PCDHGB6: variants seen among roughly 807,000 people sequenced by gnomAD.
PCDHGB6 encodes the protein protocadherin gamma subfamily B, 6.
PCDHGB6 carries 51 observed loss-of-function variants against 59.1 expected under a neutral mutation model. That is an observed-to-expected ratio of 0.86 (90% CI 0.69 to 1.09). The LOEUF is 1.09. PCDHGB6 is among the 50% of genes least tolerant of loss of function. The pLI is 0.00. For synonymous variants in PCDHGB6, 466 were observed against 495.1 expected (o/e 0.94, Z 0.78); for missense variants, 1,148 against 1,205.1 (o/e 0.95, Z 0.70).
In PCDHGB6 at chr5:141,410,065, G is replaced by C; in HGVS notation, c.1863G>C (p.Leu621=). Residue 621 remains leucine (L), a synonymous_variant, in exon 1 of 4, where the codon CTG becomes CTC. Coordinates refer to ENST00000520790, the MANE Select transcript of PCDHGB6 (RefSeq NM_018926.3). ...ASEPGLFSLG[L]RTGEVRTARA... The stretch of plus-strand genomic sequence containing the variant: ...AGCCCGGACTCTTCAGCCTGGGGCT[G>C]CGCACTGGGGAGGTGCGCACGGCTC... The C allele has an allele frequency of 6.2e-7, 1 of 1,612,938 alleles. No homozygotes were observed. The highest frequency in any genetic ancestry group is 1.1e-5 in the South Asian group (1 of 91,044).
intron 1 of PCDHGB6, among the ~76,000 whole-genome samples, chr5:141,465,486 G>C (rs1221398075): frequency 6.6e-6 from 1 of 152,216 alleles, no homozygotes; most frequent in African/African-American, 2.4e-5. Flanking sequence ...TGAGAGGAAT[G>C]AGCGGGAGCA....
Position 141,476,658 on chromosome 5 carries a change from C to A in PCDHGB6, c.2419-18149C>A, listed in dbSNP as rs182518072. On this transcript the variant is annotated intron_variant, in intron 1 of 3. Transcript: ENST00000520790. The surrounding 1 kb of genome is among the most constrained non-coding windows in gnomAD (Gnocchi z 7.6). ...GAGCTGAGCCGAAATGAATACTTTGCGCTTCGCGTGCAGACGCGGGAGGAC... is the reference window on the plus strand; with the variant it reads ...GAGCTGAGCCGAAATGAATACTTTGAGCTTCGCGTGCAGACGCGGGAGGAC... 2 of 1,614,244 alleles carry A rather than the reference C, an allele frequency of 1.2e-6. No homozygotes were observed. The highest frequency in any genetic ancestry group is 2.2e-5 in the East Asian group (1 of 44,878).
chr5:141,505,704 G>A (rs770933428), intron 3 of PCDHGB6, among the ~76,000 whole-genome samples: 1 of 152,184 alleles, frequency 6.6e-6, no homozygotes, highest in Non-Finnish European at 1.5e-5. Context: ...GAGCGAACAA[G>A]GAAAAGACTC....
rs1057108915 is a variant in PCDHGB6 at position 141,511,366 on chromosome 5, T to C, written c.*193T>C. The C allele has an allele frequency of 3.8e-6, 5 of 1,306,414 alleles. No individual in the cohort carries two copies. In the Admixed American group the frequency reaches 8.4e-5, roughly 22 times the overall value. The allele number at this position is 1,306,414 out of a possible 1,614,324, so 80.9% of individuals were successfully genotyped here. A position where few individuals can be genotyped will look rare whatever the true frequency, so the allele number is the denominator to read the frequency against. On this transcript the variant is annotated 3_prime_UTR_variant, in exon 4 of 4. Transcript: ENST00000520790. ...CCCTTCCCCCCCAGGGGGTTGAATA[T>C]GCAAAAGCAGTTCCGCTGGGAACCC...
At chr5:141,441,872 G>A (rs1400648028) in intron 1 of PCDHGB6, 4 of 341,526 alleles carry the variant, frequency 1.2e-5, no homozygotes, top group East Asian at 9.4e-5. Context: ...GCGGAGCCTG[G>A]CTACCTGGTC....
chr5:141,461,921 T>G (rs2099026403), intron 1 of PCDHGB6, among the ~76,000 whole-genome samples: 1 of 152,222 alleles, frequency 6.6e-6, no homozygotes, highest in Non-Finnish European at 1.5e-5. Flanking sequence ...CCTCCTGGGT[T>G]CCAGCAATTC....
At chr5:141,470,548 A>G (rs2099232978) in intron 1 of PCDHGB6, among the ~76,000 whole-genome samples, 1 of 152,182 alleles carries the variant, frequency 6.6e-6, no homozygotes, top group Non-Finnish European at 1.5e-5. Context: ...ATATTTATTG[A>G]GAGTTTCCTC....
At chr5:141,430,383 G>A (rs527531595) in intron 1 of PCDHGB6, among the ~76,000 whole-genome samples, 74 of 138,604 alleles carry the variant, frequency 5.3e-4, no homozygotes, top group Admixed American at 8.6e-4. Flanking sequence ...AGCTCATTGG[G>A]AAAAAAAAAA....
chr5:141,440,527 T>G (rs1282939317), intron 1 of PCDHGB6: 3 of 152,222 alleles, frequency 2.0e-5, no homozygotes, highest in African/African-American at 7.2e-5. Context: ...TGAAGAATCA[T>G]GCACCACGGT....
chr5:141,428,050 T>C (rs1222417053), intron 1 of PCDHGB6: 1 of 1,608,844 alleles, frequency 6.2e-7, no homozygotes, highest in Non-Finnish European at 8.5e-7. Flanking sequence ...GTGACCAAGG[T>C]GGTGGCGGTG....
rs373860648 is a variant in PCDHGB6 at position 141,408,651 on chromosome 5, C to G, written c.449C>G (p.Thr150Arg). The change falls in exon 1 of 4, where the codon ACA becomes AGA. Residue 150 changes from threonine to arginine, a missense_variant. Physicochemically the swap from Thr to Arg is moderately conservative, Grantham distance 71 (BLOSUM62 -1). This residue lies in a region of PCDHGB6 where 307 missense variants were observed against 323.8 expected (regional missense o/e 0.95). Coordinates refer to ENST00000520790, the MANE Select transcript of PCDHGB6 (RefSeq NM_018926.3). ...LEIFESASAG[T>R]RLSLDPATDP... is the part of the protein sequence containing the mutation. ...ATTTTCGAATCTGCATCCGCTGGTACACGACTATCGCTTGACCCTGCCACG... is the reference window on the plus strand; with the variant it reads ...ATTTTCGAATCTGCATCCGCTGGTAGACGACTATCGCTTGACCCTGCCACG... 3 of 1,614,012 alleles carry G rather than the reference C, an allele frequency of 1.9e-6. No homozygotes were observed. The highest frequency in any genetic ancestry group is 1.1e-5 in the South Asian group (1 of 91,084).
At chr5:141,468,755 A>G (rs918829539) in intron 1 of PCDHGB6, among the ~76,000 whole-genome samples, 3 of 151,976 alleles carry the variant, frequency 2.0e-5, no homozygotes, top group African/African-American at 7.2e-5. Flanking sequence ...AGTCCCAGCT[A>G]CTCGGGAGGC....
intron 1 of PCDHGB6, chr5:141,413,580 A>G (rs1216926250): frequency 5.0e-6 from 8 of 1,613,804 alleles, no homozygotes; most frequent in Non-Finnish European, 1.7e-6. Context: ...ACAATGCTCC[A>G]AAATTCCAAG....
rs1479003983 is a variant in PCDHGB6, at chr5:141,485,352, C to T, written c.2419-9455C>T. On this transcript the variant is annotated intron_variant, in intron 1 of 3. Coordinates refer to ENST00000520790, the MANE Select transcript of PCDHGB6 (RefSeq NM_018926.3). This position sits in a 1 kb window ranked among gnomAD's most constrained non-coding sequence, Gnocchi z 5.7. ...TTCCTGCTGGATACGGACAGTCTGT[C>T]AGCTCGCAGGCTGCAGGTCGCTGGA... 1 of 1,614,136 alleles carries T rather than the reference C, an allele frequency of 6.2e-7. No homozygotes were observed. The highest frequency in any genetic ancestry group is 8.5e-7 in the Non-Finnish European group (1 of 1,180,012).
intron 1 of PCDHGB6, among the ~76,000 whole-genome samples, chr5:141,446,747 G>T (rs997132200): frequency 3.9e-5 from 6 of 152,190 alleles, no homozygotes; most frequent in Non-Finnish European, 8.8e-5. Context: ...GATTACAGGC[G>T]TGAGCCACCG....
chr5:141,477,224 G>C lies in PCDHGB6; in HGVS notation c.2419-17583G>C. 6.2e-7 allele frequency: 1 copy of C among 1,614,200 alleles called. No individual in the cohort carries two copies. The highest frequency in any genetic ancestry group is 8.5e-7 in the Non-Finnish European group (1 of 1,180,046). Reference sequence around the variant, plus strand: ...ACCCGAGGATGCCCCTCTGGGGACTGTCATCGCTTTGCTCAGTGTGACTGA... The same window carrying C: ...ACCCGAGGATGCCCCTCTGGGGACTCTCATCGCTTTGCTCAGTGTGACTGA... On this transcript the variant is annotated intron_variant, in intron 1 of 3. Transcript: ENST00000520790. The surrounding 1 kb of genome is among the most constrained non-coding windows in gnomAD (Gnocchi z 4.9).
intron 1 of PCDHGB6, among the ~76,000 whole-genome samples, chr5:141,454,170 G>A (rs2098782662): frequency 6.6e-6 from 1 of 152,162 alleles, no homozygotes; most frequent in Admixed American, 6.5e-5. Context: ...TCTCTAGAAG[G>A]GCAGCTAAAG....
rs755270981 is a variant in PCDHGB6, at chr5:141,408,462, AGAACC to A, written c.264_268del (p.Ile90ProfsTer2). On this transcript the variant is annotated frameshift_variant, in exon 1 of 4. Coordinates refer to ENST00000520790, the MANE Select transcript of PCDHGB6 (RefSeq NM_018926.3). LOFTEE classifies it high-confidence loss of function. Reference sequence around the variant, plus strand: ...GCGGAGAGCGGGGACTTACTTGTGAAGAACCGAATAGACCGTGAGCAAATATGCAA... The same window carrying A: ...GCGGAGAGCGGGGACTTACTTGTGAAGAATAGACCGTGAGCAAATATGCAA... 2.2e-5 allele frequency: 35 copies of A among 1,613,962 alleles called. No homozygotes were observed. The South Asian group carries it at 3.3e-4, about 15-fold the overall frequency.
In PCDHGB6 at chr5:141,431,028, T is replaced by C. The variant is rs367575636; in HGVS notation, c.2418+20408T>C. On this transcript the variant is annotated intron_variant, in intron 1 of 3. Transcript: ENST00000520790. This position sits in a 1 kb window ranked among gnomAD's most constrained non-coding sequence, Gnocchi z 4.8. ...GGCAGCTTGGTCACGGCGGGCAGGA[T>C]AGACCGGGAGGAGCTCTGTATGGGG... The C allele has an allele frequency of 6.2e-7, 1 of 1,613,986 alleles. No homozygotes were observed. Among genetic ancestry groups the C allele is most frequent in the Admixed American group, 1.7e-5 (1 of 60,022 alleles).
Sources: gnomAD v4.1 joint callset for allele counts (sites outside exome capture counted in the v4.1 genomes callset) on GRCh38, gnomAD v4.1.1 for gene constraint, gnomAD v4.1.1 regional missense constraint, Gnocchi (gnomAD v3.1) non-coding constraint, MANE v1.5 for transcripts, NCBI Gene and HGNC (gene_info 2026-07-23, HGNC 2026-07-21) for gene names.